Variants in ZNF609 observed in about 807,000 individuals in gnomAD.
ZNF609 encodes zinc finger protein 609.
Under a neutral mutation model 109.5 loss-of-function variants are expected in ZNF609, and 11 were observed. That is an observed-to-expected ratio of 0.10 (90% CI 0.06 to 0.17). The LOEUF (loss-of-function observed/expected upper bound fraction) is 0.17. ZNF609 is among the 10% of genes least tolerant of loss of function. The pLI, the probability that ZNF609 is intolerant of heterozygous loss-of-function variation, is 1.00. For synonymous variants in ZNF609, 646 were observed against 662.0 expected (o/e 0.98, Z 0.37); for missense variants, 1,559 against 1,772.4 (o/e 0.88, Z 2.16).
At chr15:64,573,864 G>A (rs1204123924) in intron 2 of ZNF609, among the ~76,000 whole-genome samples, 1 of 152,176 alleles carries the variant, frequency 6.6e-6, no homozygotes, top group Non-Finnish European at 1.5e-5. Flanking sequence ...CAGTTGGATG[G>A]AGTTTTTAAT....
intron 2 of ZNF609, among the ~76,000 whole-genome samples, chr15:64,533,514 C>T (rs1298614617): frequency 6.6e-6 from 1 of 152,136 alleles, no homozygotes; most frequent in African/African-American, 2.4e-5. Flanking sequence ...TTCAATATAG[C>T]GTTCTTAGGT....
chr15:64,538,931 C>A (rs376430445), intron 2 of ZNF609, among the ~76,000 whole-genome samples: 1 of 151,202 alleles, frequency 6.6e-6, no homozygotes, highest in East Asian at 2.0e-4. Context: ...AATTCCTGGG[C>A]TCACGCAATC....
At chr15:64,565,322 C>T (rs1376156016) in intron 2 of ZNF609, among the ~76,000 whole-genome samples, 1 of 151,276 alleles carries the variant, frequency 6.6e-6, no homozygotes, top group African/African-American at 2.4e-5. Flanking sequence ...CTCAGGTGAT[C>T]CACCCACCTT....
chr15:64,630,216 C>T (rs1042033215), intron 3 of ZNF609, among the ~76,000 whole-genome samples: 3 of 150,988 alleles, frequency 2.0e-5, no homozygotes, highest in Non-Finnish European at 2.9e-5. Flanking sequence ...GGATTACAGG[C>T]GCCCACCACC....
chr15:64,532,056 C>G (rs1894071268), intron 2 of ZNF609, among the ~76,000 whole-genome samples: 1 of 152,138 alleles, frequency 6.6e-6, no homozygotes, highest in African/African-American at 2.4e-5. Flanking sequence ...TACTAGCATG[C>G]CCCTCCAGCC....
chr15:64,496,644 T>C (rs1023303969), intron 1 of ZNF609, among the ~76,000 whole-genome samples: 1 of 152,248 alleles, frequency 6.6e-6, no homozygotes, highest in African/African-American at 2.4e-5. Flanking sequence ...GCACCTAGTT[T>C]AGTGCCTGGC....
chr15:64,476,290 C>CAAA (rs36013169), intron 1 of ZNF609, among the ~76,000 whole-genome samples: 14 of 145,474 alleles, frequency 9.6e-5, no homozygotes, highest in Admixed American at 1.4e-4. Context: ...CAAAATAGAC[C>CAAA]AAAAAAAAAA....
chr15:64,591,406 C>G (rs1394560895), intron 2 of ZNF609, among the ~76,000 whole-genome samples: 1 of 151,786 alleles, frequency 6.6e-6, no homozygotes, highest in African/African-American at 2.4e-5. Context: ...CCAGCCTGGG[C>G]GACAGAGACA....
rs1252334219 is a variant in ZNF609 at position 64,656,188 on chromosome 15, C to T, written c.974-14158C>T. Reference sequence around the variant, plus strand: ...AGGCAATTCTCTTGCCTCAGTCTCCCAAGTAGCTGGGATTACAAGCACCCA... The same window carrying T: ...AGGCAATTCTCTTGCCTCAGTCTCCTAAGTAGCTGGGATTACAAGCACCCA... On this transcript the variant is annotated intron_variant, in intron 3 of 9. Coordinates refer to ENST00000326648, the MANE Select transcript of ZNF609 (RefSeq NM_015042.2). 5.3e-5 allele frequency among the ~76,000 whole-genome samples: 8 copies of T among 152,180 alleles called. No homozygotes were observed. The East Asian group carries it at 1.5e-3, about 29-fold the overall frequency.
At chr15:64,609,132 T>TTTCTTTC (rs1895672010) in intron 2 of ZNF609, among the ~76,000 whole-genome samples, 6 of 43,992 alleles carry the variant, frequency 1.4e-4, no homozygotes, top group South Asian at 8.1e-4. Flanking sequence ...TTCTTTCTTT[T>TTTCTTTC]TTTCTTTCTT....
intron 3 of ZNF609, among the ~76,000 whole-genome samples, chr15:64,658,737 C>T (rs1486092909): frequency 1.3e-5 from 2 of 150,768 alleles, no homozygotes; most frequent in Non-Finnish European, 2.9e-5. Context: ...GTTGAGGCTT[C>T]AGTGAGCCGT....
intron 3 of ZNF609, among the ~76,000 whole-genome samples, chr15:64,655,138 C>A (rs1420930269): frequency 1.5e-5 from 2 of 137,216 alleles, no homozygotes; most frequent in African/African-American, 5.7e-5. Flanking sequence ...GGAAAAAAAA[C>A]AGAATAGAAA....
chr15:64,510,652 T>TA (rs966259346), intron 2 of ZNF609, among the ~76,000 whole-genome samples: 4 of 152,210 alleles, frequency 2.6e-5, no homozygotes, highest in African/African-American at 9.7e-5. Flanking sequence ...GGTTTTTGAA[T>TA]GTATGTCTTG....
At chr15:64,581,723 A>C (rs1257609544) in intron 2 of ZNF609, among the ~76,000 whole-genome samples, 2 of 152,150 alleles carry the variant, frequency 1.3e-5, no homozygotes, top group African/African-American at 2.4e-5. Flanking sequence ...AGATGGGAGT[A>C]GGGCAAGTTA....
At chr15:64,599,237 A>G (rs1358043224) in intron 2 of ZNF609, among the ~76,000 whole-genome samples, 1 of 115,246 alleles carries the variant, frequency 8.7e-6, no homozygotes. Flanking sequence ...AAAAAATTTT[A>G]AAAACACCTA....
intron 3 of ZNF609, among the ~76,000 whole-genome samples, chr15:64,665,838 G>A (rs1441097913): frequency 4.0e-5 from 6 of 151,774 alleles, no homozygotes; most frequent in East Asian, 3.9e-4. Flanking sequence ...CCTGGGAGGC[G>A]GAGGTTGCGA....
chr15:64,504,760 C>G (rs1893610188), intron 2 of ZNF609, among the ~76,000 whole-genome samples: 1 of 152,022 alleles, frequency 6.6e-6, no homozygotes, highest in African/African-American at 2.4e-5. Context: ...AGATTACAGG[C>G]ATGAGCCACC....
At chr15:64,597,969 A>G (rs1895426206) in intron 2 of ZNF609, among the ~76,000 whole-genome samples, 1 of 152,246 alleles carries the variant, frequency 6.6e-6, no homozygotes, top group South Asian at 2.1e-4. Context: ...CTTTCAAAAT[A>G]AAAAGAGCAT....
chr15:64,495,807 A>G (rs1437599119), intron 1 of ZNF609, among the ~76,000 whole-genome samples: 1 of 138,990 alleles, frequency 7.2e-6, no homozygotes, highest in Non-Finnish European at 1.6e-5. Context: ...ACACATTTTC[A>G]TTTTAACCTG....
Sources: allele counts gnomAD v4.1 joint callset (sites outside exome capture counted in the v4.1 genomes callset), GRCh38; gene constraint gnomAD v4.1.1; transcripts MANE v1.5; gene names NCBI Gene and HGNC (gene_info 2026-07-23, HGNC 2026-07-21).